Variants in KIR3DL1 observed in about 807,000 individuals in gnomAD.
KIR3DL1 encodes killer cell immunoglobulin like receptor, three Ig domains and long cytoplasmic tail 1.
In KIR3DL1, 50 loss-of-function variants were observed where a neutral mutation model predicts 40.3. The ratio of observed to expected loss-of-function variants is 1.24; its 90% CI spans 0.99 to 1.57. The LOEUF (loss-of-function observed/expected upper bound fraction) is 1.57, where lower values mean the gene tolerates loss of function less well. Ranked by LOEUF, KIR3DL1 falls within the 40% of genes most tolerant of loss-of-function variation. The pLI is 0.00. For missense variants in KIR3DL1, 661 were observed against 559.9 expected (o/e 1.18, Z -1.82); for synonymous variants, 257 against 207.2 (o/e 1.24, Z -2.07).
Position 54,828,354 on chromosome 19 carries a change from AAAC to A in KIR3DL1, c.1001-1005_1001-1003del, listed in dbSNP as rs2062018527. On this transcript the variant is annotated intron_variant, in intron 6 of 8. Transcript: ENST00000391728. ...GTCCAGTCTTCCCAGAGAAGACTCT[AAAC>A]ACCTCCTGGACTGCACCTGGGCCTA... Among the ~76,000 whole-genome samples the A allele has an allele frequency of 9.9e-5, 15 of 151,380 alleles. 1 individual carries two copies. Among genetic ancestry groups the A allele is most frequent in the Non-Finnish European group, 1.8e-4 (12 of 67,966 alleles).
intron 2 of KIR3DL1, among the ~76,000 whole-genome samples, chr19:54,818,020 A>G (rs1601305816): frequency 6.7e-6 from 1 of 148,994 alleles, no homozygotes; most frequent in East Asian, 2.0e-4. Flanking sequence ...CTGATATTCC[A>G]TTCACATAGG....
chr19:54,821,539 G>C, intron 4 of KIR3DL1, 26 bp from the exon 5 acceptor site: 3 of 1,595,836 alleles, frequency 1.9e-6, no homozygotes, highest in Non-Finnish European at 2.6e-6. Flanking sequence ...GAACCTCCCT[G>C]AGGAAACTGC....
chr19:54,828,718 C>T (rs371966606), intron 6 of KIR3DL1, among the ~76,000 whole-genome samples: 6 of 148,388 alleles, frequency 4.0e-5, no homozygotes, highest in South Asian at 4.5e-4. Flanking sequence ...GATCTCAGGA[C>T]TTTGCTGTCT....
exon 3 of KIR3DL1, chr19:54,818,589 C>A: frequency 6.2e-7 from 1 of 1,610,074 alleles, no homozygotes; most frequent in African/African-American, 1.3e-5. Context: ...CCGTGGTGAT[C>A]ATGGTCACAG....
chr19:54,818,669 C>G, intron 3 of KIR3DL1, 70 bp downstream of exon 3: 1 of 1,547,160 alleles, frequency 6.5e-7, no homozygotes, highest in Non-Finnish European at 8.7e-7. Context: ...GTGGGGGTGT[C>G]CGTCAGGGTC....
chr19:54,823,262 C>T (rs1185678956), intron 5 of KIR3DL1, among the ~76,000 whole-genome samples: 2 of 151,120 alleles, frequency 1.3e-5, no homozygotes, highest in Middle Eastern at 3.4e-3. Flanking sequence ...CTCTCAAACT[C>T]CTGACCTCAA....
intron 5 of KIR3DL1, among the ~76,000 whole-genome samples, chr19:54,824,367 CG>C (rs1247041618): frequency 6.7e-6 from 1 of 150,110 alleles, no homozygotes; most frequent in Non-Finnish European, 1.5e-5. Context: ...TGTAAGTTCT[CG>C]GCACCTTTGT....
At chr19:54,820,755 G>C (rs1314836362) in intron 4 of KIR3DL1, among the ~76,000 whole-genome samples, 2 of 151,080 alleles carry the variant, frequency 1.3e-5, no homozygotes, top group Non-Finnish European at 2.9e-5. Flanking sequence ...TGATGGAAAG[G>C]AGGAGAGAAA....
Position 54,819,375 on chromosome 19 carries a change from T to A in KIR3DL1, c.356-338T>A, listed in dbSNP as rs536798627. 1.5e-4 allele frequency among the ~76,000 whole-genome samples: 17 copies of A among 114,996 alleles called. 3 individuals are homozygous for A. In the South Asian group the frequency reaches 5.7e-3, roughly 38 times the overall value. The allele number at this position is 114,996 out of a possible 152,430, so 75.4% of individuals were successfully genotyped here. ...TGGGGATTTGTTCAAAAGAGATTGA[T>A]TCAGGCTGCTAAGAGCCTGGACATG... On this transcript the variant is annotated intron_variant, in intron 3 of 8. Coordinates refer to ENST00000391728, the Ensembl canonical transcript of KIR3DL1.
At chr19:54,827,965 C>G (rs1394589260) in intron 6 of KIR3DL1, among the ~76,000 whole-genome samples, 1 of 150,410 alleles carries the variant, frequency 6.6e-6, no homozygotes, top group Non-Finnish European at 1.5e-5. Flanking sequence ...TGCTAATACT[C>G]CTTGGAGTGA....
chr19:54,830,764 A>T (rs2062194597), exon 9 of KIR3DL1: 1 of 202,178 alleles, frequency 4.9e-6, no homozygotes, highest in African/African-American at 2.4e-5. Flanking sequence ...CTTCAAATAA[A>T]CATGTCTGCC....
At chr19:54,828,596 G>A (rs184657880) in intron 6 of KIR3DL1, among the ~76,000 whole-genome samples, 26,377 of 148,934 alleles carry the variant, frequency 0.18, 2,178 homozygotes, top group South Asian at 0.29. Context: ...AAGCAGCCCA[G>A]CCTGGGTTTT....
intron 6 of KIR3DL1, among the ~76,000 whole-genome samples, 156 bp downstream of exon 6, chr19:54,825,234 G>T (rs1489023240): frequency 6.6e-6 from 1 of 150,422 alleles, no homozygotes; most frequent in African/African-American, 2.5e-5. Flanking sequence ...AGGGATCTAG[G>T]GCCACCAAAG....
chr19:54,821,777 A>T (rs778124977), exon 5 of KIR3DL1: 46 of 1,607,336 alleles, frequency 2.9e-5, no homozygotes, highest in Non-Finnish European at 1.7e-6. Flanking sequence ...CCACGGAGGG[A>T]CCTACAGATG....
chr19:54,830,368 T>G, exon 9 of KIR3DL1: 2 of 1,345,480 alleles, frequency 1.5e-6, no homozygotes, highest in Non-Finnish European at 2.1e-6. Flanking sequence ...GCAGCTGGAA[T>G]CTGAAGGCGT....
At position 54,829,378 on chromosome 19, in the gene KIR3DL1, C is replaced by T; in HGVS notation, c.1018C>T (p.His340Tyr). Residue 340 changes from histidine (H) to tyrosine (Y), a missense_variant, in exon 7 of 9, where the codon CAC becomes TAC. Transcript: ENST00000391728. ...TCTTCCAGGTAACCCCAGACACCTG[C>T]ACATTCTGATTGGGACCTCAGTGGT... 5 of 1,489,378 alleles carry T rather than the reference C, an allele frequency of 3.4e-6. 1 individual carries two copies. Among genetic ancestry groups the T allele is most frequent in the Non-Finnish European group, 4.6e-6 (5 of 1,089,094 alleles). The allele number at this position is 1,489,378 out of a possible 1,614,324, so 92.3% of individuals were successfully genotyped here. A position where few individuals can be genotyped will look rare whatever the true frequency, so the allele number is the denominator to read the frequency against.
chr19:54,827,174 T>C (rs2061945098), intron 6 of KIR3DL1, among the ~76,000 whole-genome samples: 2 of 151,366 alleles, frequency 1.3e-5, no homozygotes, highest in Admixed American at 6.6e-5. Context: ...TTGAGTTTCC[T>C]AGTTGTTTAA....
At chr19:54,820,884 G>A (rs2061598116) in intron 4 of KIR3DL1, among the ~76,000 whole-genome samples, 3 of 151,280 alleles carry the variant, frequency 2.0e-5, no homozygotes, top group South Asian at 2.1e-4. Flanking sequence ...GAAAGACAAG[G>A]AGACGGAGAG....
chr19:54,821,568 C>T (rs680891), exon 5 of KIR3DL1: 353,294 of 1,603,066 alleles, frequency 0.22, 41,556 homozygotes, highest in South Asian at 0.32. Context: ...CTTCCAGGTC[C>T]ATATGAGAAA....
Sources: allele counts gnomAD v4.1 joint callset (sites outside exome capture counted in the v4.1 genomes callset), GRCh38; gene constraint gnomAD v4.1.1; transcripts MANE v1.5; gene names NCBI Gene and HGNC (gene_info 2026-07-23, HGNC 2026-07-21).